The following LYN variants were observed in gnomAD, a reference collection of about 807,000 sequenced individuals.
LYN encodes the protein LYN proto-oncogene, Src family tyrosine kinase.
LYN carries 12 observed loss-of-function variants against 65.0 expected under a neutral mutation model. The observed-to-expected ratio is 0.18, with a 90% CI of 0.12 to 0.30. The LOEUF is 0.30. Among genes scored for constraint, LYN ranks in the 10% least tolerant of loss-of-function variants. The probability of loss-of-function intolerance (pLI) is 1.00; values close to 1 mark genes in which losing one functional copy is unlikely to be tolerated. For missense variants in LYN, 380 were observed against 623.2 expected (o/e 0.61, Z 4.16); for synonymous variants, 222 against 221.2 (o/e 1.00, Z -0.03).
chr8:55,958,742 C>A (rs1369171604), intron 8 of LYN, among the ~76,000 whole-genome samples: 2 of 152,228 alleles, frequency 1.3e-5, no homozygotes, highest in African/African-American at 4.8e-5. Context: ...GCTTACTTCA[C>A]TTAGCATGAT....
chr8:55,981,211 C>A (rs1305097747), intron 10 of LYN, among the ~76,000 whole-genome samples: 1 of 152,180 alleles, frequency 6.6e-6, no homozygotes, highest in African/African-American at 2.4e-5. Context: ...CCTTCCCTGA[C>A]CTTCCTTCTG....
In LYN at chr8:56,007,236, C is replaced by A. The variant is rs1020394269; in HGVS notation, c.1337-2672C>A. On this transcript the variant is annotated intron_variant, in intron 12 of 12. Coordinates refer to ENST00000519728, the MANE Select transcript of LYN (RefSeq NM_002350.4). ...TATTTATATCATACTGGATGTTAGTCCTCCCACCACGATCCCAGAATTTCA... is the reference window on the plus strand; with the variant it reads ...TATTTATATCATACTGGATGTTAGTACTCCCACCACGATCCCAGAATTTCA... Among the ~76,000 whole-genome samples, 7 of 152,158 alleles carry A rather than the reference C, an allele frequency of 4.6e-5. No homozygotes were observed. In the East Asian group the frequency reaches 1.3e-3, roughly 29 times the overall value.
chr8:55,923,327 C>T (rs920238110), intron 1 of LYN, among the ~76,000 whole-genome samples: 6 of 152,118 alleles, frequency 3.9e-5, no homozygotes. Context: ...AACTGCTTCC[C>T]CTTCCCAGCA....
At chr8:55,880,623 C>A (rs1177796025) in intron 1 of LYN, among the ~76,000 whole-genome samples, 3 of 152,194 alleles carry the variant, frequency 2.0e-5, no homozygotes, top group Non-Finnish European at 4.4e-5. Flanking sequence ...TCTCGAGGCC[C>A]GCGGACAGTT....
intron 1 of LYN, among the ~76,000 whole-genome samples, chr8:55,925,638 T>C (rs77738083): frequency 6.4e-4 from 98 of 152,250 alleles, no homozygotes; most frequent in Non-Finnish European, 1.2e-3. Flanking sequence ...TATTACCTTT[T>C]TCATGGGTGA....
Position 55,952,057 on chromosome 8 carries a change from T to C in LYN, c.579T>C (p.Tyr193=), listed in dbSNP as rs1806965726. Reference sequence around the variant, plus strand: ...TTAGAAGTCTGGATAATGGGGGCTATTACATCTCTCCACGAATCACTTTTC... The same window carrying C: ...TTAGAAGTCTGGATAATGGGGGCTACTACATCTCTCCACGAATCACTTTTC... The part of the protein sequence containing the change: ...YKIRSLDNGG[Y]YISPRITFPC... Residue 193 remains tyrosine, a synonymous_variant, in exon 7 of 13, where the codon TAT becomes TAC. Transcript: ENST00000519728. 2 of 1,610,144 alleles carry C rather than the reference T, an allele frequency of 1.2e-6. No individual in the cohort carries two copies. The highest frequency in any genetic ancestry group is 2.7e-5 in the African/African-American group (2 of 74,626).
intron 1 of LYN, among the ~76,000 whole-genome samples, chr8:55,894,758 C>G (rs1166829295): frequency 6.6e-6 from 1 of 152,182 alleles, no homozygotes; most frequent in East Asian, 1.9e-4. Flanking sequence ...TGGTCTCAAA[C>G]TCCTGATCTC....
Position 55,987,564 on chromosome 8 carries a change from C to A in LYN, c.1051-10782C>A, listed in dbSNP as rs141818686. Among the ~76,000 whole-genome samples the A allele has an allele frequency of 2.6e-3, 398 of 152,154 alleles. 2 individuals carry two copies. The highest frequency in any genetic ancestry group is 9.3e-3 in the African/African-American group (388 of 41,510). On this transcript the variant is annotated intron_variant, in intron 10 of 12. Coordinates refer to ENST00000519728, the MANE Select transcript of LYN (RefSeq NM_002350.4). ...CCCAAATAGCTGGGATTATGGGTGC[C>A]CGCCACCACACCTAGCTAAGTTTTG...
chr8:55,970,826 G>A (rs558484885), intron 10 of LYN, among the ~76,000 whole-genome samples: 25 of 152,280 alleles, frequency 1.6e-4, no homozygotes, highest in Non-Finnish European at 3.2e-4. Context: ...TAGCTATACC[G>A]CTTCCATTTC....
At chr8:56,003,492 C>A (rs1808588585) in intron 12 of LYN, among the ~76,000 whole-genome samples, 1 of 152,056 alleles carries the variant, frequency 6.6e-6, no homozygotes, top group Non-Finnish European at 1.5e-5. Context: ...TGGCCAAACC[C>A]TGTCTCTACA....
At chr8:55,986,193 G>GCC (rs947359948) in intron 10 of LYN, among the ~76,000 whole-genome samples, 1 of 146,878 alleles carries the variant, frequency 6.8e-6, no homozygotes, top group Admixed American at 6.8e-5. Flanking sequence ...AATCCCCCCC[G>GCC]CAAAAAAAAA....
intron 1 of LYN, among the ~76,000 whole-genome samples, chr8:55,882,037 G>A (rs1305011909): frequency 6.6e-6 from 1 of 152,154 alleles, no homozygotes; most frequent in African/African-American, 2.4e-5. Flanking sequence ...TTCTAAAACG[G>A]GGATTTGAGA....
intron 12 of LYN, 49 bp from the exon 13 acceptor site, chr8:56,009,859 G>T (rs1433573495): frequency 2.0e-6 from 3 of 1,518,754 alleles, no homozygotes; most frequent in Non-Finnish European, 2.7e-6. Context: ...CCTCTGCCAG[G>T]TTTCTAAACG....
At chr8:55,955,538 C>T (rs1487254911) in intron 8 of LYN, among the ~76,000 whole-genome samples, 1 of 152,152 alleles carries the variant, frequency 6.6e-6, no homozygotes, top group Non-Finnish European at 1.5e-5. Context: ...ATGAAATTCA[C>T]CTGACATAAA....
intron 10 of LYN, among the ~76,000 whole-genome samples, chr8:55,988,291 GGTGTGTGTGTGT>G (rs57413136): frequency 7.0e-5 from 10 of 142,100 alleles, no homozygotes; most frequent in South Asian, 4.7e-4. Flanking sequence ...CAAACTCCCT[GGTGTGTGTGTGT>G]GTGTGTGTGT....
At chr8:55,982,196 A>G (rs1465694835) in intron 10 of LYN, among the ~76,000 whole-genome samples, 1 of 152,168 alleles carries the variant, frequency 6.6e-6, no homozygotes, top group Admixed American at 6.5e-5. Flanking sequence ...TGGCAATGTT[A>G]TATGTTACAG....
At chr8:55,909,661 T>G (rs756614709) in intron 1 of LYN, among the ~76,000 whole-genome samples, 50 of 152,256 alleles carry the variant, frequency 3.3e-4, no homozygotes, top group Non-Finnish European at 3.2e-4. Context: ...TTTTCATTAT[T>G]TGAGAAATCT....
intron 1 of LYN, among the ~76,000 whole-genome samples, chr8:55,915,862 A>C (rs375049226): frequency 6.6e-6 from 1 of 152,302 alleles, no homozygotes; most frequent in East Asian, 1.9e-4. Flanking sequence ...ATAAGAGAGA[A>C]CAAAGATGAT....
rs1220551508 is a variant in LYN at position 55,880,038 on chromosome 8, G to A, written c.-71G>A. The A allele has an allele frequency of 3.2e-6, 1 of 307,970 alleles. No homozygotes were observed. The allele number at this position is 307,970 out of a possible 1,614,324, so 19.1% of individuals were successfully genotyped here. A position where few individuals can be genotyped will look rare whatever the true frequency, so the allele number is the denominator to read the frequency against. On this transcript the variant is annotated 5_prime_UTR_variant, in exon 1 of 13. Transcript: ENST00000519728. Reference sequence around the variant, plus strand: ...GCAGGTCCTGCTGGGCCGCCCCGTCGCGCCCCCCACTCTGAACTCAAGTCA... The same window carrying A: ...GCAGGTCCTGCTGGGCCGCCCCGTCACGCCCCCCACTCTGAACTCAAGTCA...
Sources: gnomAD v4.1 joint callset for allele counts (sites outside exome capture counted in the v4.1 genomes callset) on GRCh38, gnomAD v4.1.1 for gene constraint, MANE v1.5 for transcripts, NCBI Gene and HGNC (gene_info 2026-07-23, HGNC 2026-07-21) for gene names.